DPYSL2: variants seen among roughly 807,000 people sequenced by gnomAD.
DPYSL2 encodes the protein dihydropyrimidinase-related protein 2.
DPYSL2 carries 13 observed loss-of-function variants against 69.9 expected under a neutral mutation model. That is an observed-to-expected ratio of 0.19 (90% CI 0.12 to 0.30). DPYSL2 has a LOEUF of 0.30. DPYSL2 is among the 10% of genes least tolerant of loss of function. DPYSL2 has a pLI of 1.00. For missense variants in DPYSL2, 587 were observed against 918.9 expected (o/e 0.64, Z 4.67); for synonymous variants, 326 against 359.1 (o/e 0.91, Z 1.04).
chr8:26,592,295 G>C (rs1363506454), intron 3 of DPYSL2, among the ~76,000 whole-genome samples: 1 of 152,048 alleles, frequency 6.6e-6, no homozygotes, highest in Admixed American at 6.6e-5. Context: ...TGGGACTGTA[G>C]GTGTGCACCA....
rs372752296 is a variant in DPYSL2 at position 26,562,850 on chromosome 8, G to A, written c.355-19119G>A. Among the ~76,000 whole-genome samples, 7 of 152,276 alleles carry A rather than the reference G, an allele frequency of 4.6e-5. No individual in the cohort carries two copies. The highest frequency in any genetic ancestry group is 1.4e-4 in the African/African-American group (6 of 41,550). On this transcript the variant is annotated intron_variant, in intron 1 of 13. Transcript: ENST00000521913. This position sits in a 1 kb window ranked among gnomAD's most constrained non-coding sequence, Gnocchi z 4.9. The stretch of plus-strand genomic sequence containing the variant: ...ATGGCTTTGGGTGACTTGAACAACC[G>A]GGGTGGAGTCCTCCAGAATCTTTCT...
chr8:26,514,175 C>T lies in DPYSL2; in HGVS notation c.-151C>T, dbSNP rs1454006286. On this transcript the variant is annotated 5_prime_UTR_variant, in exon 1 of 14. Transcript: ENST00000521913. The surrounding 1 kb of genome is among the most constrained non-coding windows in gnomAD (Gnocchi z 8.4). ...GGACCGGGAGGGTGGGTCGCCGGCTCGCCAGCCCTCCTTCCTTTCTGTGCA... is the reference window on the plus strand; with the variant it reads ...GGACCGGGAGGGTGGGTCGCCGGCTTGCCAGCCCTCCTTCCTTTCTGTGCA... 4 of 603,794 alleles carry T rather than the reference C, an allele frequency of 6.6e-6. No individual in the cohort carries two copies. The highest frequency in any genetic ancestry group is 3.5e-5 in the East Asian group (1 of 28,678). 37.4% of individuals were successfully genotyped at this position (603,794 alleles called of 1,614,324 possible). A position where few individuals can be genotyped will look rare whatever the true frequency, so the allele number is the denominator to read the frequency against.
intron 1 of DPYSL2, chr8:26,548,164 C>A: frequency 4.3e-6 from 1 of 232,442 alleles, no homozygotes; most frequent in South Asian, 7.0e-5. Context: ...AAAGTGGTTC[C>A]AGACAACCAC....
intron 1 of DPYSL2, among the ~76,000 whole-genome samples, chr8:26,558,945 T>C (rs1479744969): frequency 6.6e-6 from 1 of 152,220 alleles, no homozygotes; most frequent in East Asian, 1.9e-4. Flanking sequence ...ACTATTTATT[T>C]ATTTATTTAT....
Position 26,653,527 on chromosome 8 carries a change from A to G in DPYSL2, c.1942+130A>G. On this transcript the variant is annotated intron_variant, in intron 13 of 13. Coordinates refer to ENST00000521913, the MANE Select transcript of DPYSL2 (RefSeq NM_001197293.3). This position sits in a 1 kb window ranked among gnomAD's most constrained non-coding sequence, Gnocchi z 5.7. Reference sequence around the variant, plus strand: ...TATTCCCTTTCTCTCCAACGTGAGAAATACAGTGGACTCAGATCTCTGGAG... The same window carrying G: ...TATTCCCTTTCTCTCCAACGTGAGAGATACAGTGGACTCAGATCTCTGGAG... 1 of 1,017,894 alleles carries G rather than the reference A, an allele frequency of 9.8e-7. No individual in the cohort carries two copies. Among genetic ancestry groups the G allele is most frequent in the African/African-American group, 1.6e-5 (1 of 62,076 alleles). The allele number at this position is 1,017,894 out of a possible 1,614,324, so 63.1% of individuals were successfully genotyped here. A position where few individuals can be genotyped will look rare whatever the true frequency, so the allele number is the denominator to read the frequency against.
chr8:26,557,113 T>C (rs1801001062), intron 1 of DPYSL2, among the ~76,000 whole-genome samples: 1 of 151,534 alleles, frequency 6.6e-6, no homozygotes, highest in South Asian at 2.1e-4. Context: ...TGGAAATCTA[T>C]AAAACTCCTA....
rs994322663 is a variant in DPYSL2, at chr8:26,533,493, T to C, written c.354+18814T>C. Among the ~76,000 whole-genome samples the C allele has an allele frequency of 1.3e-5, 2 of 152,248 alleles. No homozygotes were observed. The highest frequency in any genetic ancestry group is 4.8e-5 in the African/African-American group (2 of 41,466). On this transcript the variant is annotated intron_variant, in intron 1 of 13. Transcript: ENST00000521913. This position sits in a 1 kb window ranked among gnomAD's most constrained non-coding sequence, Gnocchi z 4.8. ...TGTTTTCTCCTGGATGTTTCATAGT[T>C]TTTGCTTTTACCTGTAGATTTTGGA...
At position 26,560,510 on chromosome 8, in the gene DPYSL2, T is replaced by TCACAGCTCACAGCC. The variant is rs1801053902; in HGVS notation, c.355-21458_355-21445dup. Among the ~76,000 whole-genome samples, 1 of 152,126 alleles carries TCACAGCTCACAGCC rather than the reference T, an allele frequency of 6.6e-6. No individual in the cohort carries two copies. Among genetic ancestry groups the TCACAGCTCACAGCC allele is most frequent in the Non-Finnish European group, 1.5e-5 (1 of 68,016 alleles). ...AATGAGTTTGTCCACAGCTCACAGC[T>TCACAGCTCACAGCC]CACAGCTCACAGCCAGGCTCTGTGG... On this transcript the variant is annotated intron_variant, in intron 1 of 13. Transcript: ENST00000521913. This position sits in a 1 kb window ranked among gnomAD's most constrained non-coding sequence, Gnocchi z 4.4.
intron 3 of DPYSL2, among the ~76,000 whole-genome samples, chr8:26,613,582 T>C (rs983094477): frequency 6.6e-6 from 1 of 152,014 alleles, no homozygotes; most frequent in Non-Finnish European, 1.5e-5. Flanking sequence ...CTTATATCCA[T>C]TGACCAGTGA....
rs1279652366 is a variant in DPYSL2 at position 26,619,413 on chromosome 8, T to A, written c.629-4730T>A. 1 of 152,206 alleles carries A rather than the reference T, an allele frequency of 6.6e-6. No homozygotes were observed. Among genetic ancestry groups the A allele is most frequent in the African/African-American group, 2.4e-5 (1 of 41,444 alleles). 9.4% of individuals were successfully genotyped at this position (152,206 alleles called of 1,614,324 possible). A position where few individuals can be genotyped will look rare whatever the true frequency, so the allele number is the denominator to read the frequency against. On this transcript the variant is annotated intron_variant, in intron 3 of 13. Coordinates refer to ENST00000521913, the MANE Select transcript of DPYSL2 (RefSeq NM_001197293.3). This position sits in a 1 kb window ranked among gnomAD's most constrained non-coding sequence, Gnocchi z 4.8. Reference sequence around the variant, plus strand: ...TCCGGGTCCTGAGTTTTTCAAGGGTTTATAACCCCCGGAGCTGAATTTGGA... The same window carrying A: ...TCCGGGTCCTGAGTTTTTCAAGGGTATATAACCCCCGGAGCTGAATTTGGA...
At chr8:26,568,122 G>T (rs1278900438) in intron 1 of DPYSL2, among the ~76,000 whole-genome samples, 1 of 152,148 alleles carries the variant, frequency 6.6e-6, no homozygotes. Flanking sequence ...TTCTTTCAAT[G>T]ATTTCCTTAT....
intron 3 of DPYSL2, among the ~76,000 whole-genome samples, chr8:26,601,247 G>A (rs913419384): frequency 1.7e-4 from 26 of 152,194 alleles, no homozygotes; most frequent in African/African-American, 5.5e-4. Flanking sequence ...CATCGCAGAA[G>A]GGAGAGGCTG....
At chr8:26,556,907 A>T (rs1430542247) in intron 1 of DPYSL2, among the ~76,000 whole-genome samples, 1 of 152,198 alleles carries the variant, frequency 6.6e-6, no homozygotes, top group Non-Finnish European at 1.5e-5. Flanking sequence ...CAGAGAGCCC[A>T]GAAGGGGACC....
In DPYSL2 at chr8:26,562,490, CCA is replaced by C; in HGVS notation, c.355-19475_355-19474del. On this transcript the variant is annotated intron_variant, in intron 1 of 13. Transcript: ENST00000521913. This position sits in a 1 kb window ranked among gnomAD's most constrained non-coding sequence, Gnocchi z 4.9. ...TTGCCTCTGTTTGACCCTTGCACCACCACACTACAGCTGGAATAATATATAAA... is the reference window on the plus strand; with the variant it reads ...TTGCCTCTGTTTGACCCTTGCACCACCACTACAGCTGGAATAATATATAAA... 6.6e-6 allele frequency among the ~76,000 whole-genome samples: 1 copy of C among 152,266 alleles called. No individual in the cohort carries two copies. Among genetic ancestry groups the C allele is most frequent in the East Asian group, 1.9e-4 (1 of 5,176 alleles).
rs1214138225 is a variant in DPYSL2, at chr8:26,587,476, C to G, written c.628+3493C>G. On this transcript the variant is annotated intron_variant, in intron 3 of 13. Transcript: ENST00000521913. The surrounding 1 kb of genome is among the most constrained non-coding windows in gnomAD (Gnocchi z 4.2). The stretch of plus-strand genomic sequence containing the variant: ...CTGCCTCCCTGCTGGCTCTGCGTTT[C>G]CCAGGTCACAGGCCCTGGAGACTCC... Among the ~76,000 whole-genome samples, 1 of 152,206 alleles carries G rather than the reference C, an allele frequency of 6.6e-6. No individual in the cohort carries two copies. The highest frequency in any genetic ancestry group is 1.5e-5 in the Non-Finnish European group (1 of 68,044).
rs1803221814 is a variant in DPYSL2, at chr8:26,648,696, C to A, written c.1596+896C>A. Reference sequence around the variant, plus strand: ...CAGCTCAGGCCAGCAAGCACTGACACCTCCCCCACACACCACGACAGCTTA... The same window carrying A: ...CAGCTCAGGCCAGCAAGCACTGACAACTCCCCCACACACCACGACAGCTTA... On this transcript the variant is annotated intron_variant, in intron 11 of 13. Transcript: ENST00000521913. This position sits in a 1 kb window ranked among gnomAD's most constrained non-coding sequence, Gnocchi z 4.3. Among the ~76,000 whole-genome samples, 1 of 152,240 alleles carries A rather than the reference C, an allele frequency of 6.6e-6. No homozygotes were observed. The highest frequency in any genetic ancestry group is 1.5e-5 in the Non-Finnish European group (1 of 68,044).
At chr8:26,636,782 C>CTG (rs1802927891) in intron 8 of DPYSL2, among the ~76,000 whole-genome samples, 2 of 152,018 alleles carry the variant, frequency 1.3e-5, no homozygotes, top group Non-Finnish European at 2.9e-5. Flanking sequence ...ACTCTGTCGC[C>CTG]CAGGCAGGCG....
Position 26,626,307 on chromosome 8 carries a change from C to T in DPYSL2, c.794-310C>T, listed in dbSNP as rs1802610121. On this transcript the variant is annotated intron_variant, in intron 4 of 13. Coordinates refer to ENST00000521913, the MANE Select transcript of DPYSL2 (RefSeq NM_001197293.3). This position sits in a 1 kb window ranked among gnomAD's most constrained non-coding sequence, Gnocchi z 4.3. Reference sequence around the variant, plus strand: ...TAATTCTGCTATGAACATGGATGTGCAAACACTGGCAACTTTTAATTTTGA... The same window carrying T: ...TAATTCTGCTATGAACATGGATGTGTAAACACTGGCAACTTTTAATTTTGA... Among the ~76,000 whole-genome samples, 1 of 152,154 alleles carries T rather than the reference C, an allele frequency of 6.6e-6. No homozygotes were observed. The highest frequency in any genetic ancestry group is 2.4e-5 in the African/African-American group (1 of 41,422).
chr8:26,608,951 G>A (rs1218129788), intron 3 of DPYSL2, among the ~76,000 whole-genome samples: 1 of 152,202 alleles, frequency 6.6e-6, no homozygotes, highest in East Asian at 1.9e-4. Flanking sequence ...AAACAGAATA[G>A]AGACCCGACT....
Sources: allele counts gnomAD v4.1 joint callset (sites outside exome capture counted in the v4.1 genomes callset), GRCh38; gene constraint gnomAD v4.1.1; non-coding constraint Gnocchi (gnomAD v3.1); transcripts MANE v1.5; gene names NCBI Gene and HGNC (gene_info 2026-07-23, HGNC 2026-07-21).